CFAP44: variants seen among roughly 807,000 people sequenced by gnomAD.
CFAP44 encodes cilia- and flagella-associated protein 44.
Under a neutral mutation model 216.2 loss-of-function variants are expected in CFAP44, and 134 were observed. The observed-to-expected ratio is 0.62, with a 90% CI of 0.54 to 0.72. CFAP44 has a LOEUF of 0.72. CFAP44 is among the 30% of genes least tolerant of loss of function. The pLI is 0.00. For missense variants in CFAP44, 2,035 were observed against 2,182.1 expected (o/e 0.93, Z 1.34); for synonymous variants, 700 against 727.6 (o/e 0.96, Z 0.61).
At position 113,354,201 on chromosome 3, in the gene CFAP44, G is replaced by A. The variant is rs1052532176; in HGVS notation, c.3065+4544C>T. ...CAGATAGGAGGCAGGATTAGCTTGCGGATGGGGACAGAGCATCATGTGGAG... is the reference window on the plus strand; with the variant it reads ...CAGATAGGAGGCAGGATTAGCTTGCAGATGGGGACAGAGCATCATGTGGAG... On this transcript the variant is annotated intron_variant, in intron 22 of 34. Transcript: ENST00000393845. Among the ~76,000 whole-genome samples the A allele has an allele frequency of 1.1e-4, 16 of 152,190 alleles. 1 individual carries two copies. The highest frequency in any genetic ancestry group is 8.5e-4 in the Admixed American group (13 of 15,276).
At chr3:113,342,022 T>C (rs745314438) in intron 23 of CFAP44, 104 bp from the exon 24 acceptor site, 4 of 1,303,612 alleles carry the variant, frequency 3.1e-6, no homozygotes, top group Non-Finnish European at 4.1e-6. Flanking sequence ...GAGAATATAT[T>C]GAATTTGTAA....
chr3:113,296,113 C>G (rs892851804), intron 33 of CFAP44, among the ~76,000 whole-genome samples: 1 of 152,126 alleles, frequency 6.6e-6, no homozygotes, highest in Admixed American at 6.5e-5. Flanking sequence ...TCCACATGTA[C>G]CCATTGTTTA....
chr3:113,363,257 A>G lies in CFAP44; in HGVS notation c.2822T>C (p.Val941Ala), dbSNP rs1337725438. ...KREHDKLMKEVGEIKARKREQ... is the reference protein window; with the variant it reads ...KREHDKLMKEAGEIKARKREQ... Reference sequence around the variant, plus strand: ...TCTCTTCCGTGCCTTTATTTCTCCCACTTCTTTCATTAACTTGTCATGTTC... The same window carrying G: ...TCTCTTCCGTGCCTTTATTTCTCCCGCTTCTTTCATTAACTTGTCATGTTC... The change falls in exon 21 of 35, where the codon GTG (valine) becomes GCG (alanine). Residue 941 changes from valine to alanine, a missense_variant. Transcript: ENST00000393845. The G allele has an allele frequency of 2.5e-6, 4 of 1,612,574 alleles. No homozygotes were observed. In the Admixed American group the frequency reaches 6.7e-5, roughly 27 times the overall value.
chr3:113,372,241 A>C (rs1485837830), intron 18 of CFAP44, among the ~76,000 whole-genome samples: 1 of 152,340 alleles, frequency 6.6e-6, no homozygotes, highest in South Asian at 2.1e-4. Flanking sequence ...ATATACCCAA[A>C]GGATTATAAA....
chr3:113,405,034 A>T (rs978609409), intron 8 of CFAP44, among the ~76,000 whole-genome samples: 3 of 152,216 alleles, frequency 2.0e-5, no homozygotes, highest in African/African-American at 7.2e-5. Flanking sequence ...TGACTTAAAA[A>T]GTCTTATTTT....
At chr3:113,357,421 A>G (rs573399251) in intron 22 of CFAP44, among the ~76,000 whole-genome samples, 36 of 152,300 alleles carry the variant, frequency 2.4e-4, no homozygotes, top group African/African-American at 7.7e-4. Context: ...ACACAGGGAA[A>G]CCTATATGAA....
chr3:113,379,657 A>C, intron 16 of CFAP44, 106 bp from the exon 17 acceptor site: 7 of 802,200 alleles, frequency 8.7e-6, no homozygotes. Flanking sequence ...ACAGCTCTGT[A>C]ACAAATAATA....
At position 113,379,412 on chromosome 3, in the gene CFAP44, T is replaced by A; in HGVS notation, c.2192A>T (p.Glu731Val). The change falls in exon 17 of 35, where the codon GAG becomes GTG. Residue 731 changes from glutamate to valine, a missense_variant. By Grantham distance (121) the Glu-to-Val change is moderately radical. Coordinates refer to ENST00000393845, the MANE Select transcript of CFAP44 (RefSeq NM_001164496.2). ...TAATGGCTCTTCTTCCTCCTCCTCC[T>A]CCTCTTTCTCCTCTTCCTCCTCCTG... ...EFQEEEEEKE[E>V]EEEEEEPLPE... 6.2e-7 allele frequency: 1 copy of A among 1,612,598 alleles called. No individual in the cohort carries two copies. Among genetic ancestry groups the A allele is most frequent in the South Asian group, 1.1e-5 (1 of 90,972 alleles).
intron 34 of CFAP44, 184 bp downstream of exon 34, chr3:113,294,503 G>T: frequency 1.5e-6 from 1 of 670,402 alleles, no homozygotes; most frequent in Non-Finnish European, 2.3e-6. Context: ...AATAAAGCTA[G>T]TCCCTCAGGC....
intron 6 of CFAP44, among the ~76,000 whole-genome samples, chr3:113,410,685 A>G (rs2107375481): frequency 6.6e-6 from 1 of 152,310 alleles, no homozygotes; most frequent in South Asian, 2.1e-4. Context: ...GCTGGGTCAA[A>G]TGGTATTTCT....
chr3:113,340,448 G>A (rs898053956), intron 24 of CFAP44, among the ~76,000 whole-genome samples: 4 of 152,222 alleles, frequency 2.6e-5, no homozygotes, highest in African/African-American at 9.6e-5. Context: ...GAAAGAGAAA[G>A]GTGGCAGGGT....
intron 26 of CFAP44, among the ~76,000 whole-genome samples, chr3:113,328,607 A>G (rs1383192685): frequency 6.7e-6 from 1 of 148,160 alleles, no homozygotes; most frequent in East Asian, 2.0e-4. Flanking sequence ...TCAAAAGCCT[A>G]TAGTAAGTGA....
intron 6 of CFAP44, among the ~76,000 whole-genome samples, chr3:113,410,079 G>T (rs927830204): frequency 6.6e-6 from 1 of 152,098 alleles, no homozygotes; most frequent in African/African-American, 2.4e-5. Context: ...TCTCAGCCAA[G>T]CAGCCCAAGC....
chr3:113,423,772 G>A (rs1412118732), intron 4 of CFAP44, among the ~76,000 whole-genome samples: 1 of 152,178 alleles, frequency 6.6e-6, no homozygotes, highest in Non-Finnish European at 1.5e-5. Flanking sequence ...GAGTTTAATT[G>A]AGCAAAGAAC....
At chr3:113,341,698 G>T in intron 24 of CFAP44, 46 bp downstream of exon 24, 1 of 1,390,364 alleles carries the variant, frequency 7.2e-7, no homozygotes, top group South Asian at 1.7e-5. Flanking sequence ...ATTATTTTGG[G>T]GCTCACATAT....
At chr3:113,362,485 A>G (rs1260453827) in intron 21 of CFAP44, among the ~76,000 whole-genome samples, 1 of 152,132 alleles carries the variant, frequency 6.6e-6, no homozygotes, top group East Asian at 1.9e-4. Flanking sequence ...TCTTAGAGTT[A>G]CCCAAACTGA....
At chr3:113,409,028 A>ATT in intron 7 of CFAP44, 78 bp downstream of exon 7, 22 of 802,356 alleles carry the variant, frequency 2.7e-5, no homozygotes, top group East Asian at 5.7e-5. Context: ...AAAAAAAAAA[A>ATT]AGTCTCCAGC....
intron 8 of CFAP44, among the ~76,000 whole-genome samples, chr3:113,405,167 G>A (rs889834304): frequency 6.6e-6 from 1 of 152,114 alleles, no homozygotes; most frequent in Non-Finnish European, 1.5e-5. Context: ...AGAAACTGAT[G>A]ATTTTATTCA....
chr3:113,329,165 T>C (rs1411739860), intron 26 of CFAP44, among the ~76,000 whole-genome samples: 1 of 152,176 alleles, frequency 6.6e-6, no homozygotes, highest in Non-Finnish European at 1.5e-5. Context: ...ACAATACTAA[T>C]ACCCATGAAA....
Sources: gnomAD v4.1 joint callset for allele counts (sites outside exome capture counted in the v4.1 genomes callset) on GRCh38, gnomAD v4.1.1 for gene constraint, MANE v1.5 for transcripts, NCBI Gene and HGNC (gene_info 2026-07-23, HGNC 2026-07-21) for gene names.